The following NCAM1 variants were observed in gnomAD, a reference collection of about 807,000 sequenced individuals.
NCAM1 encodes antigen recognized by monoclonal antibody 5.1H11.
In NCAM1, 14 loss-of-function variants were observed where a neutral mutation model predicts 109.8. That is an observed-to-expected ratio of 0.13 (90% CI 0.08 to 0.20). The LOEUF (loss-of-function observed/expected upper bound fraction) is 0.20. Among genes scored for constraint, NCAM1 ranks in the 10% least tolerant of loss-of-function variants. NCAM1 has a pLI of 1.00. For synonymous variants in NCAM1, 418 were observed against 442.9 expected (o/e 0.94, Z 0.70); for missense variants, 774 against 1,109.9 (o/e 0.70, Z 4.30).
In NCAM1 at chr11:113,270,039, T is replaced by C. The variant is rs767223486; in HGVS notation, c.2132-149T>C. 3 of 726,806 alleles carry C rather than the reference T, an allele frequency of 4.1e-6. No homozygotes were observed. The South Asian group carries it at 5.0e-5, about 12-fold the overall frequency. The allele number at this position is 726,806 out of a possible 1,614,324, so 45.0% of individuals were successfully genotyped here. On this transcript the variant is annotated intron_variant, in intron 17 of 19. Coordinates refer to ENST00000316851, the MANE Select transcript of NCAM1 (RefSeq NM_181351.5). ...ACCCTGTTTTCTCAATTCTGGGGCA[T>C]AGAAGGTCCCCAGGAAGGTGTCACT... is the stretch of plus-strand genomic sequence containing the variant.
At chr11:112,984,685 T>C (rs2134723078) in intron 1 of NCAM1, among the ~76,000 whole-genome samples, 1 of 152,076 alleles carries the variant, frequency 6.6e-6, no homozygotes, top group Non-Finnish European at 1.5e-5. Context: ...TATCTGTTGG[T>C]TATTTTTATG....
intron 1 of NCAM1, among the ~76,000 whole-genome samples, chr11:112,978,433 T>A (rs67528578): frequency 0.14 from 20,515 of 151,838 alleles, 1,429 homozygotes; most frequent in African/African-American, 0.15. Flanking sequence ...GTTTTTTTCT[T>A]CATTGTATTT....
intron 1 of NCAM1, among the ~76,000 whole-genome samples, chr11:113,028,618 G>A (rs1555077834): frequency 6.6e-6 from 1 of 152,130 alleles, no homozygotes. Flanking sequence ...TTGCACTATA[G>A]CATTATAAAG....
At chr11:113,036,445 G>A (rs1204838854) in intron 1 of NCAM1, among the ~76,000 whole-genome samples, 2 of 151,648 alleles carry the variant, frequency 1.3e-5, no homozygotes, top group East Asian at 1.9e-4. Context: ...TCCATTGCCT[G>A]AACCACCTGC....
At chr11:113,135,853 A>G (rs1555099290) in intron 1 of NCAM1, among the ~76,000 whole-genome samples, 2 of 152,188 alleles carry the variant, frequency 1.3e-5, no homozygotes. Flanking sequence ...GGCATGTTAT[A>G]TGGGTCTAGG....
At chr11:113,168,854 A>G (rs1942894530) in intron 1 of NCAM1, among the ~76,000 whole-genome samples, 1 of 152,146 alleles carries the variant, frequency 6.6e-6, no homozygotes, top group Non-Finnish European at 1.5e-5. Flanking sequence ...GGGAATCCAG[A>G]TGTGGGGGAG....
At chr11:113,204,596 C>G (rs1389212728) in intron 3 of NCAM1, 92 bp downstream of exon 3, 1 of 1,278,736 alleles carries the variant, frequency 7.8e-7, no homozygotes, top group Non-Finnish European at 1.1e-6. Context: ...GACAGAAGGA[C>G]CAGCTGAGGG....
chr11:113,137,377 T>C (rs1941639833), intron 1 of NCAM1, among the ~76,000 whole-genome samples: 1 of 152,240 alleles, frequency 6.6e-6, no homozygotes, highest in African/African-American at 2.4e-5. Context: ...TGTTGAAAGA[T>C]GTTTCTTGAC....
chr11:113,202,119 T>G (rs1292025594), intron 1 of NCAM1, among the ~76,000 whole-genome samples: 2 of 152,202 alleles, frequency 1.3e-5, no homozygotes, highest in African/African-American at 4.8e-5. Context: ...TTGCACTCTC[T>G]GAGGGGAAAT....
intron 15 of NCAM1, among the ~76,000 whole-genome samples, chr11:113,251,008 C>A (rs1341897300): frequency 6.6e-6 from 1 of 152,172 alleles, no homozygotes; most frequent in African/African-American, 2.4e-5. Context: ...ACCATGTAGG[C>A]CAGGCTGGTC....
intron 1 of NCAM1, among the ~76,000 whole-genome samples, chr11:112,997,988 T>A (rs782127389): frequency 4.6e-5 from 7 of 152,178 alleles, no homozygotes; most frequent in Non-Finnish European, 8.8e-5. Context: ...TTAGCCTGCA[T>A]GTCCGAGGGA....
At chr11:113,115,134 A>T (rs557131867) in intron 1 of NCAM1, among the ~76,000 whole-genome samples, 1 of 152,290 alleles carries the variant, frequency 6.6e-6, no homozygotes, top group Admixed American at 6.5e-5. Context: ...GTGCCTTTTG[A>T]GTTCCTGAGT....
At chr11:113,016,171 C>A (rs1044219905) in intron 1 of NCAM1, among the ~76,000 whole-genome samples, 1 of 152,152 alleles carries the variant, frequency 6.6e-6, no homozygotes, top group Non-Finnish European at 1.5e-5. Flanking sequence ...AACAGTAATT[C>A]TTGGGTCTCT....
intron 1 of NCAM1, among the ~76,000 whole-genome samples, chr11:112,987,077 ATT>A (rs1951326875): frequency 1.3e-5 from 2 of 152,144 alleles, no homozygotes; most frequent in East Asian, 3.9e-4. Flanking sequence ...ATCCTATAAG[ATT>A]TGGTAAGTTG....
At chr11:113,201,908 A>AC (rs2136885661) in intron 1 of NCAM1, among the ~76,000 whole-genome samples, 1 of 152,192 alleles carries the variant, frequency 6.6e-6, no homozygotes, top group South Asian at 2.1e-4. Flanking sequence ...CTGGCAGGAG[A>AC]CCCCTGAGCT....
chr11:113,256,151 T>A, intron 16 of NCAM1, 150 bp downstream of exon 16: 2 of 1,050,510 alleles, frequency 1.9e-6, no homozygotes, highest in Non-Finnish European at 2.7e-6. Flanking sequence ...GGCCATGGCT[T>A]AAAATCCCAA....
At chr11:113,271,156 G>A (rs1337014773) in intron 18 of NCAM1, among the ~76,000 whole-genome samples, 1 of 152,034 alleles carries the variant, frequency 6.6e-6, no homozygotes, top group Non-Finnish European at 1.5e-5. Flanking sequence ...GATCATTTGA[G>A]GTCAGGAGTT....
chr11:113,001,195 C>T (rs1951746594), intron 1 of NCAM1, among the ~76,000 whole-genome samples: 1 of 152,128 alleles, frequency 6.6e-6, no homozygotes, highest in African/African-American at 2.4e-5. Context: ...GGAGCGATCA[C>T]CACTTTGTGA....
At chr11:113,048,343 A>C (rs1555081182) in intron 1 of NCAM1, among the ~76,000 whole-genome samples, 2 of 152,224 alleles carry the variant, frequency 1.3e-5, no homozygotes, top group African/African-American at 4.8e-5. Context: ...ACAATATTCC[A>C]GAAATGGTTT....
Sources: allele counts gnomAD v4.1 joint callset (sites outside exome capture counted in the v4.1 genomes callset), GRCh38; gene constraint gnomAD v4.1.1; transcripts MANE v1.5; gene names NCBI Gene and HGNC (gene_info 2026-07-23, HGNC 2026-07-21).